The following NCALD variants were observed in gnomAD, a reference collection of about 807,000 sequenced individuals.
NCALD encodes the protein neurocalcin delta.
A neutral mutation model predicts 18.6 loss-of-function variants in NCALD; 10 were observed. The ratio of observed to expected loss-of-function variants is 0.54; its 90% CI spans 0.33 to 0.91. The LOEUF is 0.91. Ranked by LOEUF, NCALD falls within the 40% of genes least tolerant of loss-of-function variation. The pLI, the probability that NCALD is intolerant of heterozygous loss-of-function variation, is 0.03. For synonymous variants in NCALD, 88 were observed against 87.4 expected (o/e 1.01, Z -0.04); for missense variants, 184 against 247.6 (o/e 0.74, Z 1.72).
intron 4 of NCALD, among the ~76,000 whole-genome samples, chr8:101,848,250 G>A (rs1814949486): frequency 6.6e-6 from 1 of 152,094 alleles, no homozygotes; most frequent in Non-Finnish European, 1.5e-5. Context: ...GGCACCTCAG[G>A]GTCTCCACGG....
chr8:102,044,567 C>T (rs548586076), intron 1 of NCALD, among the ~76,000 whole-genome samples: 1 of 152,326 alleles, frequency 6.6e-6, no homozygotes, highest in Admixed American at 6.5e-5. Context: ...ACGCGGTAAT[C>T]ACTGAGCTAG....
intron 2 of NCALD, among the ~76,000 whole-genome samples, chr8:101,716,419 G>A (rs181264124): frequency 6.6e-6 from 1 of 152,080 alleles, no homozygotes; most frequent in East Asian, 1.9e-4. Flanking sequence ...GTATACCTAT[G>A]TAACAAACCT....
chr8:101,923,606 A>C (rs1818240795), intron 2 of NCALD, among the ~76,000 whole-genome samples: 1 of 152,240 alleles, frequency 6.6e-6, no homozygotes, highest in South Asian at 2.1e-4. Flanking sequence ...TAGCTGGCCG[A>C]ATTTGCTTTC....
At chr8:101,872,232 A>T in intron 4 of NCALD, 2 of 1,454,396 alleles carry the variant, frequency 1.4e-6, no homozygotes, top group Non-Finnish European at 9.6e-7. Context: ...TGGCTTTGGT[A>T]ACTTCTTGAA....
At chr8:101,956,089 T>C (rs1371553473) in intron 2 of NCALD, among the ~76,000 whole-genome samples, 2 of 152,102 alleles carry the variant, frequency 1.3e-5, no homozygotes, top group Non-Finnish European at 2.9e-5. Context: ...ATTCTTGACA[T>C]TTTTCTATAA....
At chr8:101,811,097 C>T (rs1435005298) in intron 4 of NCALD, among the ~76,000 whole-genome samples, 1 of 152,100 alleles carries the variant, frequency 6.6e-6, no homozygotes, top group Non-Finnish European at 1.5e-5. Flanking sequence ...ATTCATGCTC[C>T]CCTGTACCTG....
chr8:101,849,797 T>C (rs531923613), intron 4 of NCALD, among the ~76,000 whole-genome samples: 2 of 152,196 alleles, frequency 1.3e-5, no homozygotes, highest in Non-Finnish European at 2.9e-5. Flanking sequence ...TTTGCTGCCA[T>C]GACTGGCATT....
intron 1 of NCALD, among the ~76,000 whole-genome samples, chr8:102,092,567 CAT>C (rs1488714882): frequency 1.3e-5 from 2 of 152,192 alleles, no homozygotes; most frequent in Admixed American, 6.5e-5. Flanking sequence ...CATATCCCCA[CAT>C]GTCTGGTCCC....
Position 102,015,699 on chromosome 8 carries a change from A to G in NCALD, c.-157+4538T>C, listed in dbSNP as rs75297630. On this transcript the variant is annotated intron_variant, in intron 2 of 6. Coordinates refer to the NCALD transcript ENST00000311028. ...GGCAACGAAGTGAACTGAGTTTACC[A>G]AGAGTGGCATGCCCTTCCAAGGAGA... Among the ~76,000 whole-genome samples, 1,054 of 152,314 alleles carry G rather than the reference A, an allele frequency of 6.9e-3. 11 individuals carry two copies. The highest frequency in any genetic ancestry group is 0.024 in the African/African-American group (981 of 41,568).
intron 4 of NCALD, among the ~76,000 whole-genome samples, chr8:101,879,213 T>A (rs373184627): frequency 1.3e-5 from 2 of 152,204 alleles, no homozygotes; most frequent in African/African-American, 4.8e-5. Flanking sequence ...TCTCACTGAC[T>A]TCAAGAATAA....
At chr8:102,106,502 C>G (rs1825460508) in intron 1 of NCALD, among the ~76,000 whole-genome samples, 1 of 150,198 alleles carries the variant, frequency 6.7e-6, no homozygotes, top group Admixed American at 6.6e-5. Flanking sequence ...TATACTACAG[C>G]TGTGCGTAGC....
At chr8:101,791,819 T>G (rs1475284903), upstream of NCALD, among the ~76,000 whole-genome samples, 3 of 152,116 alleles carry the variant, frequency 2.0e-5, no homozygotes, top group African/African-American at 7.2e-5. Context: ...GACTCAACAT[T>G]GAGTAAACAG....
intron 2 of NCALD, among the ~76,000 whole-genome samples, chr8:101,929,423 GAGGAAGGAAGGA>G (rs1268149643): frequency 2.5e-5 from 1 of 40,344 alleles, no homozygotes; most frequent in African/African-American, 1.5e-4. Context: ...GGAAGGGAGG[GAGGAAGGAAGGA>G]AGGAAAGGAG....
At chr8:101,711,740 G>A (rs573311492) in intron 2 of NCALD, among the ~76,000 whole-genome samples, 3 of 151,790 alleles carry the variant, frequency 2.0e-5, no homozygotes, top group East Asian at 1.9e-4. Flanking sequence ...GAAAAGGAAC[G>A]AGCAAAGCCT....
chr8:101,892,029 G>C (rs1264943), intron 3 of NCALD, among the ~76,000 whole-genome samples: 49,746 of 151,778 alleles, frequency 0.33, 9,798 homozygotes, highest in African/African-American at 0.54. Flanking sequence ...AGGAGGCCTG[G>C]CTGCCTCTGT....
At chr8:101,928,002 T>C (rs1818401531) in intron 2 of NCALD, among the ~76,000 whole-genome samples, 1 of 152,248 alleles carries the variant, frequency 6.6e-6, no homozygotes, top group Non-Finnish European at 1.5e-5. Flanking sequence ...AAATGACTGA[T>C]GAAGTGCTAA....
In NCALD at chr8:102,016,162, G is replaced by A. The variant is rs148341461; in HGVS notation, c.-157+4075C>T. Among the ~76,000 whole-genome samples, 396 of 152,292 alleles carry A rather than the reference G, an allele frequency of 2.6e-3. 4 individuals are homozygous for A. The highest frequency in any genetic ancestry group is 8.9e-3 in the African/African-American group (368 of 41,556). ...GCCATCTGCCCTAAGGGAAGGACAA[G>A]AAACTTGCAGGTCCAGGATCCTGTG... On this transcript the variant is annotated intron_variant, in intron 2 of 6. Coordinates refer to the NCALD transcript ENST00000311028.
intron 2 of NCALD, among the ~76,000 whole-genome samples, chr8:101,972,703 C>T (rs143661074): frequency 2.7e-4 from 41 of 152,224 alleles, no homozygotes; most frequent in Middle Eastern, 6.8e-3. Context: ...CAATGTCCAT[C>T]GTGGGGAAAA....
At chr8:101,991,635 G>A (rs1821053047) in intron 2 of NCALD, among the ~76,000 whole-genome samples, 1 of 152,106 alleles carries the variant, frequency 6.6e-6, no homozygotes, top group South Asian at 2.1e-4. Flanking sequence ...GCCAATAGAG[G>A]AAGGCAATAC....
Sources: allele counts gnomAD v4.1 joint callset (sites outside exome capture counted in the v4.1 genomes callset), GRCh38; gene constraint gnomAD v4.1.1; transcripts MANE v1.5; gene names NCBI Gene and HGNC (gene_info 2026-07-23, HGNC 2026-07-21).